The following MDN1 variants were observed in gnomAD, a reference collection of about 807,000 sequenced individuals.
The protein encoded by MDN1 is midasin.
A neutral mutation model predicts 669.2 loss-of-function variants in MDN1; 266 were observed. The observed-to-expected ratio is 0.40, with a 90% CI of 0.36 to 0.44. The LOEUF is 0.44. MDN1 is among the 20% of genes least tolerant of loss of function. The pLI is 1.00. For missense variants in MDN1, 5,940 were observed against 6,754.0 expected (o/e 0.88, Z 4.22); for synonymous variants, 2,385 against 2,457.1 (o/e 0.97, Z 0.87).
Position 89,655,810 on chromosome 6 carries a change from G to A in MDN1, c.15444C>T (p.Phe5148=), listed in dbSNP as rs760211664. 60 of 1,613,560 alleles carry A rather than the reference G, an allele frequency of 3.7e-5. No individual in the cohort carries two copies. Among genetic ancestry groups the A allele is most frequent in the Non-Finnish European group, 4.6e-5 (54 of 1,179,904 alleles). Residue 5148 remains phenylalanine (F), a synonymous_variant, in exon 92 of 102, where the codon TTC becomes TTT. Coordinates refer to ENST00000369393, the MANE Select transcript of MDN1 (RefSeq NM_014611.3). ...PQAQVEDADA[F]EHIKQGSDAY... ...CGTCACTGCCTTGTTTAATGTGCTC[G>A]AATGCATCTGCATCCTCCACCTGGG...
At chr6:89,705,937 A>G (rs950668156) in intron 53 of MDN1, 122 bp downstream of exon 53, 4 of 849,856 alleles carry the variant, frequency 4.7e-6, no homozygotes, top group African/African-American at 3.4e-5. Flanking sequence ...ACTGTTAAGA[A>G]TAAGTTTCTT....
At chr6:89,798,740 A>G (rs968018918) in intron 2 of MDN1, among the ~76,000 whole-genome samples, 7 of 152,336 alleles carry the variant, frequency 4.6e-5, no homozygotes, top group Middle Eastern at 3.4e-3. Flanking sequence ...CAATAAAGCC[A>G]TATTTAAAAT....
chr6:89,794,047 G>GAAAA, intron 4 of MDN1, 53 bp downstream of exon 4: 1 of 1,097,336 alleles, frequency 9.1e-7, no homozygotes, highest in Non-Finnish European at 1.2e-6. Flanking sequence ...CCCCAGAAAA[G>GAAAA]AAAAAAAAAA....
In MDN1 at chr6:89,650,148, T is replaced by G. The variant is rs1390142871; in HGVS notation, c.16082A>C (p.Tyr5361Ser). 1 of 1,614,190 alleles carries G rather than the reference T, an allele frequency of 6.2e-7. No homozygotes were observed. Among genetic ancestry groups the G allele is most frequent in the Non-Finnish European group, 8.5e-7 (1 of 1,180,028 alleles). The change falls in exon 97 of 102, where the codon TAC becomes TCC. Residue 5361 changes from tyrosine to serine, a missense_variant. By Grantham distance (144) the Tyr-to-Ser change is moderately radical. Transcript: ENST00000369393. ...KRLNIRKVIPYIASQFRKDKI... is the reference protein window; with the variant it reads ...KRLNIRKVIPSIASQFRKDKI... ...GTCTTTCCGAAATTGACTAGCAATG[T>G]ATGGAATGACTTTCCGTATGTTTAG...
At chr6:89,737,106 T>C (rs1816022187) in intron 33 of MDN1, among the ~76,000 whole-genome samples, 1 of 151,900 alleles carries the variant, frequency 6.6e-6, no homozygotes, top group Admixed American at 6.6e-5. Flanking sequence ...TGGTAGAGAC[T>C]GTAGAGAAAA....
chr6:89,762,199 A>T, intron 16 of MDN1, 120 bp downstream of exon 16: 2 of 801,218 alleles, frequency 2.5e-6, no homozygotes, highest in Non-Finnish European at 4.0e-6. Flanking sequence ...ACAATTAGTC[A>T]CTTCTGCCAA....
At chr6:89,803,193 T>C in intron 2 of MDN1, 135 bp downstream of exon 2, 1 of 763,640 alleles carries the variant, frequency 1.3e-6, no homozygotes. Flanking sequence ...TGACTCTTTT[T>C]ATAAAACAAT....
chr6:89,740,502 T>C, intron 31 of MDN1, 124 bp from the exon 32 acceptor site: 1 of 916,892 alleles, frequency 1.1e-6, no homozygotes, highest in African/African-American at 1.8e-5. Context: ...CTTTAGTTAA[T>C]GGTTTCCTAT....
At chr6:89,782,604 A>AAAAAAT (rs1158080310) in intron 9 of MDN1, among the ~76,000 whole-genome samples, 4 of 144,194 alleles carry the variant, frequency 2.8e-5, no homozygotes, top group African/African-American at 1.0e-4. Flanking sequence ...TTTCCTCAAA[A>AAAAAAT]AATAATAATA....
At chr6:89,817,204 A>G (rs1562250022) in intron 1 of MDN1, among the ~76,000 whole-genome samples, 1 of 152,114 alleles carries the variant, frequency 6.6e-6, no homozygotes, top group Non-Finnish European at 1.5e-5. Flanking sequence ...CTGTAGCCCG[A>G]CCACCTTGGG....
At chr6:89,658,543 T>G (rs550829551) in intron 89 of MDN1, 67 bp downstream of exon 89, 1 of 1,547,222 alleles carries the variant, frequency 6.5e-7, no homozygotes, top group African/African-American at 1.4e-5. Context: ...GGGATTCTAA[T>G]GGGAATAAGG....
chr6:89,779,602 A>G (rs1338068961), intron 11 of MDN1, among the ~76,000 whole-genome samples: 3 of 152,192 alleles, frequency 2.0e-5, no homozygotes, highest in Admixed American at 2.0e-4. Flanking sequence ...ACATTGCTTT[A>G]TTATTACCCG....
chr6:89,791,105 G>A (rs1819247794), intron 5 of MDN1, among the ~76,000 whole-genome samples: 1 of 152,164 alleles, frequency 6.6e-6, no homozygotes, highest in African/African-American at 2.4e-5. Context: ...GTGAGGGATG[G>A]TGGGGGTATT....
intron 76 of MDN1, among the ~76,000 whole-genome samples, chr6:89,677,306 C>T (rs1158167258): frequency 6.6e-6 from 1 of 152,040 alleles, no homozygotes; most frequent in Non-Finnish European, 1.5e-5. Context: ...GTTGGTCAGG[C>T]TGGTCTTGAA....
intron 30 of MDN1, 137 bp downstream of exon 30, chr6:89,743,439 C>A: frequency 7.5e-7 from 1 of 1,328,434 alleles, no homozygotes; most frequent in African/African-American, 1.5e-5. Flanking sequence ...CTTGTGAAGG[C>A]CCTTGTAGAC....
intron 59 of MDN1, among the ~76,000 whole-genome samples, chr6:89,698,301 A>G (rs1052750100): frequency 1.3e-5 from 2 of 152,248 alleles, no homozygotes; most frequent in African/African-American, 4.8e-5. Context: ...GTGGACAAAG[A>G]TGTATACTAG....
rs375071415 is a variant in MDN1, at chr6:89,680,666, C to A, written c.12188G>T (p.Arg4063Leu). ...GAACGTCAGGCACATCTTCCTCATGCGTTTCCTGAGCTTTGGCAAGCGACG... is the reference window on the plus strand; with the variant it reads ...GAACGTCAGGCACATCTTCCTCATGAGTTTCCTGAGCTTTGGCAAGCGACG... Reference protein sequence around the residue: ...LLRRLPKLRKRMRKMCLTFMK... With the variant: ...LLRRLPKLRKLMRKMCLTFMK... Residue 4063 changes from arginine to leucine, a missense_variant, in exon 74 of 102, where the codon CGC becomes CTC. Around this residue, in one of 5 missense-constraint regions of MDN1, gnomAD observed 2,280 missense variants for 2,576.3 expected, o/e 0.88. Coordinates refer to ENST00000369393, the MANE Select transcript of MDN1 (RefSeq NM_014611.3). The A allele has an allele frequency of 3.7e-6, 6 of 1,614,186 alleles. No homozygotes were observed. The highest frequency in any genetic ancestry group is 1.7e-5 in the Admixed American group (1 of 60,020).
At chr6:89,746,602 A>AG in intron 27 of MDN1, among the ~76,000 whole-genome samples, 1 of 50,178 alleles carries the variant, frequency 2.0e-5, no homozygotes, top group African/African-American at 7.3e-5. Flanking sequence ...TCAAAAAAAA[A>AG]AAAAAAAAAA....
rs143661350 is a variant in MDN1 at position 89,660,298 on chromosome 6, G to A, written c.14713+1133C>T. Among the ~76,000 whole-genome samples, 13 of 152,172 alleles carry A rather than the reference G, an allele frequency of 8.5e-5. No individual in the cohort carries two copies. The East Asian group carries it at 2.5e-3, about 29-fold the overall frequency. ...CCTCCTGAGCTCAAGCAAGTCTCTC[G>A]CCTCAGCTCCTGAGGAGCTGGGACT... On this transcript the variant is annotated intron_variant, in intron 88 of 101. Transcript: ENST00000369393.
Sources: gnomAD v4.1 joint callset for allele counts (sites outside exome capture counted in the v4.1 genomes callset) on GRCh38, gnomAD v4.1.1 for gene constraint, gnomAD v4.1.1 regional missense constraint, MANE v1.5 for transcripts, NCBI Gene and HGNC (gene_info 2026-07-23, HGNC 2026-07-21) for gene names.